Variants in TENM3 observed in about 807,000 individuals in gnomAD.
TENM3 encodes teneurin transmembrane protein 3.
TENM3 carries 63 observed loss-of-function variants against 255.1 expected under a neutral mutation model. The ratio of observed to expected loss-of-function variants is 0.25; its 90% CI spans 0.20 to 0.30. The LOEUF (loss-of-function observed/expected upper bound fraction) is 0.30, where lower values mean the gene tolerates loss of function less well. TENM3 is among the 10% of genes least tolerant of loss of function. The pLI, the probability that TENM3 is intolerant of heterozygous loss-of-function variation, is 1.00. For synonymous variants in TENM3, 1,306 were observed against 1,322.3 expected (o/e 0.99, Z 0.27); for missense variants, 2,929 against 3,461.1 (o/e 0.85, Z 3.86).
chr4:181,964,261 G>T, the TENM3 span, among the ~76,000 whole-genome samples: 1 of 152,002 alleles, frequency 6.6e-6, no homozygotes, highest in African/African-American at 2.4e-5. Context: ...CTCAGGAAAT[G>T]GCCAATCCCC....
intron 1 of TENM3, among the ~76,000 whole-genome samples, chr4:182,309,545 G>A (rs748416548): frequency 9.9e-5 from 15 of 152,062 alleles, no homozygotes; most frequent in Non-Finnish European, 1.8e-4. Context: ...TCTGCCTACT[G>A]CTTTCTACTA....
At chr4:181,774,037 C>G in the TENM3 span, among the ~76,000 whole-genome samples, 2 of 81,054 alleles carry the variant, frequency 2.5e-5, no homozygotes, top group Non-Finnish European at 4.5e-5. Context: ...TTATTATACT[C>G]TAAGTTTTAG....
At chr4:182,296,486 T>C (rs866071882) in intron 1 of TENM3, among the ~76,000 whole-genome samples, 9 of 152,202 alleles carry the variant, frequency 5.9e-5, no homozygotes, top group African/African-American at 2.2e-4. Flanking sequence ...GAGAGGTTTA[T>C]AATCAGGGCA....
the TENM3 span, among the ~76,000 whole-genome samples, chr4:182,056,885 T>A: frequency 0.089 from 13,558 of 151,902 alleles, 677 homozygotes; most frequent in Middle Eastern, 0.13. Flanking sequence ...AGTTTGGAGT[T>A]AGGGGTCCTA....
chr4:182,495,376 G>A (rs1005214719), intron 3 of TENM3, among the ~76,000 whole-genome samples: 6 of 152,040 alleles, frequency 3.9e-5, no homozygotes, highest in Non-Finnish European at 5.9e-5. Flanking sequence ...CAATCTTCAG[G>A]ACTCACAGGG....
At chr4:182,036,658 T>C in the TENM3 span, among the ~76,000 whole-genome samples, 1 of 152,238 alleles carries the variant, frequency 6.6e-6, no homozygotes, top group Non-Finnish European at 1.5e-5. Context: ...TCATCTAGTG[T>C]TATCTCTGCA....
the TENM3 span, among the ~76,000 whole-genome samples, chr4:181,772,947 T>C: frequency 1.3e-5 from 2 of 152,204 alleles, no homozygotes; most frequent in African/African-American, 4.8e-5. Flanking sequence ...CAACTTTCCC[T>C]GCTAACACAG....
the TENM3 span, among the ~76,000 whole-genome samples, chr4:181,770,485 T>C: frequency 1.1e-4 from 17 of 152,010 alleles, no homozygotes; most frequent in Non-Finnish European, 8.8e-5. Context: ...CCATCCTGGC[T>C]AACAGGGTGA....
intron 1 of TENM3, among the ~76,000 whole-genome samples, chr4:182,264,320 C>T (rs2150180996): frequency 6.6e-6 from 1 of 152,296 alleles, no homozygotes; most frequent in South Asian, 2.1e-4. Context: ...AACTTGGCTG[C>T]AGGTCCGTGA....
At chr4:181,940,628 T>C in the TENM3 span, among the ~76,000 whole-genome samples, 1 of 152,176 alleles carries the variant, frequency 6.6e-6, no homozygotes, top group Non-Finnish European at 1.5e-5. Context: ...AATTTTATGA[T>C]AGGGTGGACT....
the TENM3 span, among the ~76,000 whole-genome samples, chr4:181,478,934 G>T: frequency 1.3e-5 from 2 of 152,114 alleles, no homozygotes; most frequent in Non-Finnish European, 2.9e-5. Flanking sequence ...TAGAATAAGG[G>T]TTTTACATAT....
intron 1 of TENM3, among the ~76,000 whole-genome samples, chr4:182,195,909 T>G (rs2149805531): frequency 6.6e-6 from 1 of 152,298 alleles, no homozygotes; most frequent in South Asian, 2.1e-4. Flanking sequence ...TGAAAATCTA[T>G]CCGAGGCTCT....
chr4:182,393,219 A>G (rs1768557954), intron 3 of TENM3, among the ~76,000 whole-genome samples: 1 of 152,218 alleles, frequency 6.6e-6, no homozygotes, highest in African/African-American at 2.4e-5. Context: ...ACAAGTCATT[A>G]GGAAAAACAG....
At chr4:181,790,514 T>A in the TENM3 span, among the ~76,000 whole-genome samples, 3 of 152,124 alleles carry the variant, frequency 2.0e-5, no homozygotes, top group Admixed American at 1.3e-4. Context: ...AAGTCCAAGC[T>A]GCAAAGTGTA....
rs142009467 is a variant in TENM3, at chr4:182,271,285, G to A, written c.-76+27809G>A. Among the ~76,000 whole-genome samples the A allele has an allele frequency of 6.4e-4, 98 of 152,184 alleles. 3 individuals are homozygous for A. The East Asian group carries it at 0.017, about 26-fold the overall frequency. On this transcript the variant is annotated intron_variant, in intron 1 of 27. Coordinates refer to ENST00000511685, the MANE Select transcript of TENM3 (RefSeq NM_001080477.4). ...GCCTAACCACCCCCTTCCTAAGTGC[G>A]GCTGAAAAGACCTTTCCCTGAAATT...
chr4:182,590,697 A>G (rs1746543762), intron 3 of TENM3, among the ~76,000 whole-genome samples: 1 of 151,824 alleles, frequency 6.6e-6, no homozygotes, highest in Non-Finnish European at 1.5e-5. Flanking sequence ...ATCTCTAAAA[A>G]TACAAAACTT....
rs1170234005 is a variant in TENM3, at chr4:182,802,137, C to G, written c.*1786C>G. The G allele has an allele frequency of 6.6e-6, 1 of 152,578 alleles. No individual in the cohort carries two copies. The highest frequency in any genetic ancestry group is 1.5e-5 in the Non-Finnish European group (1 of 68,034). 9.5% of individuals were successfully genotyped at this position (152,578 alleles called of 1,614,324 possible). On this transcript the variant is annotated 3_prime_UTR_variant, in exon 28 of 28. Coordinates refer to ENST00000511685, the MANE Select transcript of TENM3 (RefSeq NM_001080477.4). Reference sequence around the variant, plus strand: ...GCGTGTTTATTAAACAGATGATTGGCTGGGAAAGTTTCAAAATAGCTACTG... The same window carrying G: ...GCGTGTTTATTAAACAGATGATTGGGTGGGAAAGTTTCAAAATAGCTACTG...
chr4:182,298,374 G>A (rs145510269), intron 1 of TENM3, among the ~76,000 whole-genome samples: 1 of 152,180 alleles, frequency 6.6e-6, no homozygotes, highest in African/African-American at 2.4e-5. Context: ...GACACTCCAA[G>A]CTCCTCAGAG....
chr4:182,657,262 A>G (rs916555975), intron 6 of TENM3, among the ~76,000 whole-genome samples: 1 of 152,104 alleles, frequency 6.6e-6, no homozygotes, highest in Non-Finnish European at 1.5e-5. Context: ...CAGCCCTAGT[A>G]TCCCTCTCAA....
Sources: allele counts gnomAD v4.1 joint callset (sites outside exome capture counted in the v4.1 genomes callset), GRCh38; gene constraint gnomAD v4.1.1; transcripts MANE v1.5; gene names NCBI Gene and HGNC (gene_info 2026-07-23, HGNC 2026-07-21).